Variants in TMEM165 observed in about 807,000 individuals in gnomAD.
TMEM165 encodes the protein transmembrane protein 165, also known as putative divalent cation/proton antiporter TMEM165.
Under a neutral mutation model 30.0 loss-of-function variants are expected in TMEM165, and 19 were observed. The observed-to-expected ratio is 0.63, with a 90% CI of 0.44 to 0.93. The LOEUF is 0.93. TMEM165 is among the 40% of genes least tolerant of loss of function. The probability of loss-of-function intolerance (pLI) is 0.00; values close to 1 mark genes in which losing one functional copy is unlikely to be tolerated. For missense variants in TMEM165, 340 were observed against 417.0 expected, an observed-to-expected ratio of 0.82 and a Z score of 1.61; for synonymous variants, 168 against 162.9, an observed-to-expected ratio of 1.03 and a Z score of -0.24.
chr4:55,450,438 G>A (rs975010877), intron 3 of TMEM165, among the ~76,000 whole-genome samples: 1 of 152,178 alleles, frequency 6.6e-6, no homozygotes, highest in Non-Finnish European at 1.5e-5. Flanking sequence ...AGAAAGAGAA[G>A]AAGAATGAAG....
downstream of TMEM165, among the ~76,000 whole-genome samples, chr4:55,427,419 T>C (rs1181468198): frequency 1.3e-5 from 2 of 151,612 alleles, no homozygotes; most frequent in East Asian, 3.9e-4. Flanking sequence ...CTCGGCTCAC[T>C]GCAACCTCTG....
intron 4 of TMEM165, among the ~76,000 whole-genome samples, chr4:55,420,626 TA>T (rs1384042173): frequency 3.3e-5 from 5 of 152,156 alleles, no homozygotes; most frequent in Non-Finnish European, 5.9e-5. Flanking sequence ...AATGAGCTCT[TA>T]AATGGCAGAA....
chr4:55,428,973 CTTTTTTTTTTTT>C (rs35261810), downstream of TMEM165: 13 of 125,728 alleles, frequency 1.0e-4, no homozygotes, highest in Non-Finnish European at 2.1e-4. Flanking sequence ...GCTGACACAT[CTTTTTTTTTTTT>C]TTTTTTTTTA....
chr4:55,411,609 TCCAGAAA>T lies in TMEM165; in HGVS notation c.208-4_210del. On this transcript the variant is annotated splice_acceptor_variant and splice_polypyrimidine_tract_variant and coding_sequence_variant and intron_variant, in exon 2 of 6. Transcript: ENST00000381334. LOFTEE classifies it high-confidence loss of function. ...TTTAAGAAGTAACTGATTTTTTTTT[TCCAGAAA>T]ATATTTACACCAGCAGCTCCAGTTC... 1.2e-6 allele frequency: 2 copies of T among 1,600,238 alleles called. No individual in the cohort carries two copies. The highest frequency in any genetic ancestry group is 1.7e-5 in the Admixed American group (1 of 57,196).
downstream of TMEM165, chr4:55,429,155 A>G (rs923903952): frequency 2.6e-5 from 4 of 151,952 alleles, no homozygotes; most frequent in African/African-American, 9.7e-5. Context: ...CACACATTAT[A>G]AACATTTGAA....
intron 4 of TMEM165, among the ~76,000 whole-genome samples, chr4:55,421,656 G>C (rs1251409706): frequency 6.6e-6 from 1 of 152,134 alleles, no homozygotes; most frequent in African/African-American, 2.4e-5. Context: ...GGGAAATGTA[G>C]TCCCAGTCTT....
chr4:55,449,556 A>C, intron 3 of TMEM165: 20 of 1,362,980 alleles, frequency 1.5e-5, no homozygotes, highest in Non-Finnish European at 2.1e-5. Context: ...TTTAAAGATT[A>C]ATCTCAAAAT....
At chr4:55,452,061 C>T (rs567846442) in intron 3 of TMEM165, among the ~76,000 whole-genome samples, 1 of 152,108 alleles carries the variant, frequency 6.6e-6, no homozygotes, top group African/African-American at 2.4e-5. Context: ...CTGTGGTAGG[C>T]AATTTCTGAC....
chr4:55,449,127 G>A (rs1321790544), intron 3 of TMEM165, among the ~76,000 whole-genome samples: 2 of 150,680 alleles, frequency 1.3e-5, no homozygotes, highest in East Asian at 2.0e-4. Context: ...ATTGGTATTT[G>A]AACTTAGACA....
chr4:55,398,084 A>G (rs1199070763), intron 1 of TMEM165, among the ~76,000 whole-genome samples: 2 of 151,958 alleles, frequency 1.3e-5, no homozygotes, highest in African/African-American at 2.4e-5. Context: ...GGCTTTTCCA[A>G]TTTTCTGTTG....
chr4:55,450,071 T>A, intron 3 of TMEM165: 2 of 1,614,064 alleles, frequency 1.2e-6, no homozygotes, highest in Non-Finnish European at 1.7e-6. Context: ...GGAAGTCTGC[T>A]TTGAAGCAAG....
intron 1 of TMEM165, among the ~76,000 whole-genome samples, chr4:55,402,178 AAAC>A: frequency 6.8e-6 from 1 of 147,960 alleles, no homozygotes; most frequent in Non-Finnish European, 1.5e-5. Context: ...ATACATTACA[AAAC>A]AACATTCATA....
chr4:55,396,176 G>A lies in TMEM165; in HGVS notation c.-14G>A, dbSNP rs957257350. 20 of 1,362,830 alleles carry A rather than the reference G, an allele frequency of 1.5e-5. No homozygotes were observed. Among genetic ancestry groups the A allele is most frequent in the South Asian group, 5.6e-5 (3 of 53,338 alleles). 84.4% of individuals were successfully genotyped at this position (1,362,830 alleles called of 1,614,324 possible). ...CTCTTGCGGCGCCCGTGCGCGGCCG[G>A]CCCGGCAGGCGGGATGGCGGCCGCG... is the stretch of plus-strand genomic sequence containing the variant. On this transcript the variant is annotated 5_prime_UTR_variant, in exon 1 of 6. Transcript: ENST00000381334.
intron 2 of TMEM165, among the ~76,000 whole-genome samples, chr4:55,412,446 T>C (rs1721550411): frequency 7.3e-6 from 1 of 137,692 alleles, no homozygotes; most frequent in African/African-American, 2.6e-5. Context: ...TTTTAAAATC[T>C]ACCCAGTGAC....
intron 5 of TMEM165, among the ~76,000 whole-genome samples, 177 bp from the exon 6 acceptor site, chr4:55,425,199 C>A (rs1256549450): frequency 1.3e-5 from 2 of 152,182 alleles, no homozygotes; most frequent in Non-Finnish European, 2.9e-5. Flanking sequence ...CACAGTCAAG[C>A]ATGTTAAGTA....
intron 1 of TMEM165, among the ~76,000 whole-genome samples, chr4:55,408,936 T>TTA (rs57979231): frequency 4.0e-5 from 6 of 151,306 alleles, no homozygotes; most frequent in South Asian, 2.1e-4. Context: ...TTTTTTTTTT[T>TTA]AATATAAGGA....
chr4:55,448,132 A>T (rs1724034944), intron 3 of TMEM165, among the ~76,000 whole-genome samples: 1 of 152,156 alleles, frequency 6.6e-6, no homozygotes, highest in African/African-American at 2.4e-5. Flanking sequence ...CAACTTACAT[A>T]CTTTCAGCAC....
At chr4:55,435,744 A>C in intron 3 of TMEM165, 1 of 817,440 alleles carries the variant, frequency 1.2e-6, no homozygotes, top group Non-Finnish European at 2.0e-6. Flanking sequence ...AAAAATTCTA[A>C]TTTGGAAAAT....
chr4:55,404,944 G>A (rs1197258581), intron 1 of TMEM165, among the ~76,000 whole-genome samples: 1 of 152,210 alleles, frequency 6.6e-6, no homozygotes, highest in African/African-American at 2.4e-5. Flanking sequence ...ATGCAACAAT[G>A]TGTCTGAAAA....
Sources: allele counts gnomAD v4.1 joint callset (sites outside exome capture counted in the v4.1 genomes callset), GRCh38; gene constraint gnomAD v4.1.1; transcripts MANE v1.5; gene names NCBI Gene and HGNC (gene_info 2026-07-23, HGNC 2026-07-21).